EYS: variants seen among roughly 807,000 people sequenced by gnomAD.
EYS encodes EGF-like photoreceptor maintenance factor.
Under a neutral mutation model 282.1 loss-of-function variants are expected in EYS, and 250 were observed. The ratio of observed to expected loss-of-function variants is 0.89; its 90% confidence interval spans 0.80 to 0.98. EYS has a LOEUF of 0.98. Among genes scored for constraint, EYS ranks in the 50% least tolerant of loss-of-function variants. The pLI is 0.00. For missense variants in EYS, 4,016 were observed against 3,709.0 expected (o/e 1.08, Z -2.15); for synonymous variants, 1,355 against 1,282.9 (o/e 1.06, Z -1.20).
chr6:63,774,432 G>A (rs760240959), intron 40 of EYS, among the ~76,000 whole-genome samples: 1 of 152,070 alleles, frequency 6.6e-6, no homozygotes, highest in Non-Finnish European at 1.5e-5. Context: ...GCCTCCCAAA[G>A]TGCTGGGATT....
chr6:65,179,891 G>T (rs1765329266), intron 12 of EYS, among the ~76,000 whole-genome samples: 1 of 152,016 alleles, frequency 6.6e-6, no homozygotes, highest in Admixed American at 6.6e-5. Flanking sequence ...GGGATGCAAG[G>T]CTGGTTCAAC....
chr6:65,183,813 T>C (rs953802275), intron 12 of EYS, among the ~76,000 whole-genome samples: 1 of 151,492 alleles, frequency 6.6e-6, no homozygotes, highest in African/African-American at 2.4e-5. Context: ...GGAAAAAAAG[T>C]GTAGTTGGTA....
rs999873040 is a variant in EYS at position 64,155,012 on chromosome 6, A to G, written c.6425-73010T>C. The stretch of plus-strand genomic sequence containing the variant: ...ATATTTCCATAGTAGGAAATGGGCT[A>G]AAGTTTGGTGTGCTTTCTAAAGGGC... On this transcript the variant is annotated intron_variant, in intron 31 of 42. Coordinates refer to ENST00000503581, the MANE Select transcript of EYS (RefSeq NM_001142800.2). Among the ~76,000 whole-genome samples the G allele has an allele frequency of 6.6e-5, 10 of 152,188 alleles. 1 individual carries two copies. The highest frequency in any genetic ancestry group is 2.2e-4 in the African/African-American group (9 of 41,448).
At chr6:64,889,267 C>T (rs2150064764) in intron 18 of EYS, among the ~76,000 whole-genome samples, 1 of 152,034 alleles carries the variant, frequency 6.6e-6, no homozygotes, top group African/African-American at 2.4e-5. Flanking sequence ...CTTAAATATA[C>T]TTACTTACTT....
intron 13 of EYS, among the ~76,000 whole-genome samples, chr6:65,047,345 C>T (rs368848730): frequency 1.4e-3 from 218 of 151,838 alleles, no homozygotes; most frequent in African/African-American, 4.6e-3. Context: ...TACCAAAGAA[C>T]GACAGATTCA....
intron 26 of EYS, among the ~76,000 whole-genome samples, chr6:64,504,504 G>A (rs545807592): frequency 4.6e-5 from 7 of 152,236 alleles, no homozygotes; most frequent in African/African-American, 1.7e-4. Context: ...CTACCATGGG[G>A]GCCAGAGTCT....
intron 26 of EYS, among the ~76,000 whole-genome samples, chr6:64,500,662 A>T (rs1286474594): frequency 6.6e-6 from 1 of 152,138 alleles, no homozygotes; most frequent in East Asian, 1.9e-4. Context: ...TGTTTCACCA[A>T]GTAAGTCCTC....
At chr6:65,145,125 TTA>T (rs200306708) in intron 12 of EYS, among the ~76,000 whole-genome samples, 6 of 148,154 alleles carry the variant, frequency 4.0e-5, no homozygotes, top group Non-Finnish European at 6.0e-5. Flanking sequence ...CTACCTCCTT[TTA>T]TTTTTTATTA....
At position 65,443,254 on chromosome 6, in the gene EYS, A is replaced by G. The variant is rs970341946; in HGVS notation, c.863-37887T>C. Reference sequence around the variant, plus strand: ...TGTGAACATATAGACATATGTGTATACATATATGCAAACATATAGACATGT... The same window carrying G: ...TGTGAACATATAGACATATGTGTATGCATATATGCAAACATATAGACATGT... On this transcript the variant is annotated intron_variant, in intron 5 of 42. Transcript: ENST00000503581. Among the ~76,000 whole-genome samples the G allele has an allele frequency of 5.3e-5, 8 of 151,774 alleles. 1 individual carries two copies. Among genetic ancestry groups the G allele is most frequent in the African/African-American group, 1.2e-4 (5 of 41,394 alleles).
At chr6:64,441,632 C>T (rs1007052840) in intron 26 of EYS, among the ~76,000 whole-genome samples, 4 of 152,146 alleles carry the variant, frequency 2.6e-5, no homozygotes, top group African/African-American at 9.7e-5. Flanking sequence ...TCCCACAATT[C>T]CCATGTGTTG....
chr6:64,590,646 C>A lies in EYS; in HGVS notation c.5221G>T (p.Asp1741Tyr). 1 of 1,551,290 alleles carries A rather than the reference C, an allele frequency of 6.4e-7. No individual in the cohort carries two copies. The highest frequency in any genetic ancestry group is 8.7e-7 in the Non-Finnish European group (1 of 1,146,732). The stretch of plus-strand genomic sequence containing the variant: ...TTTAACTCAAAATCCAGAGAACTAT[C>A]ACTTGGGTGAAGTTTGAACAGTGTA... ...SHTLFKLHPS[D>Y]SSLDFELNLQ... Residue 1741 changes from aspartate (D) to tyrosine (Y), a missense_variant, in exon 26 of 43, where the codon GAT becomes TAT. Coordinates refer to ENST00000503581, the MANE Select transcript of EYS (RefSeq NM_001142800.2).
At chr6:65,040,111 A>G (rs1460336140) in intron 13 of EYS, among the ~76,000 whole-genome samples, 1 of 151,654 alleles carries the variant, frequency 6.6e-6, no homozygotes, top group African/African-American at 2.4e-5. Context: ...GTTGTATGAG[A>G]CTTCGTTACT....
intron 19 of EYS, among the ~76,000 whole-genome samples, chr6:64,840,103 C>A (rs1403981741): frequency 6.6e-6 from 1 of 151,960 alleles, no homozygotes; most frequent in Non-Finnish European, 1.5e-5. Flanking sequence ...GTCAAATAAA[C>A]CTGATTAAGA....
chr6:64,533,438 C>T (rs1012040680), intron 26 of EYS, among the ~76,000 whole-genome samples: 1 of 151,732 alleles, frequency 6.6e-6, no homozygotes, highest in African/African-American at 2.4e-5. Context: ...GCAAAGAAAA[C>T]CAGAAAAAAT....
At chr6:65,301,853 T>C (rs1379863502) in intron 11 of EYS, among the ~76,000 whole-genome samples, 4 of 152,248 alleles carry the variant, frequency 2.6e-5, no homozygotes, top group East Asian at 1.9e-4. Context: ...CTCAAGGTTC[T>C]GGACCTTGAG....
At chr6:63,988,376 G>A (rs907931201) in intron 34 of EYS, among the ~76,000 whole-genome samples, 1 of 151,516 alleles carries the variant, frequency 6.6e-6, no homozygotes, top group Non-Finnish European at 1.5e-5. Context: ...CAGTAGGAAG[G>A]TATGAAGGAA....
Position 65,405,103 on chromosome 6 carries a change from T to G in EYS, c.1056+71A>C. ...CTTAATAAGGATTCTAATTATTTAT[T>G]CTTTTCAAATTGCTTGGTAATAGTA... On this transcript the variant is annotated intron_variant, in intron 6 of 42. Coordinates refer to ENST00000503581, the MANE Select transcript of EYS (RefSeq NM_001142800.2). 5 of 1,025,272 alleles carry G rather than the reference T, an allele frequency of 4.9e-6. No homozygotes were observed. The South Asian group carries it at 6.7e-5, about 14-fold the overall frequency. 63.5% of individuals were successfully genotyped at this position (1,025,272 alleles called of 1,614,324 possible).
intron 8 of EYS, among the ~76,000 whole-genome samples, chr6:65,383,924 C>T (rs143559910): frequency 6.6e-6 from 1 of 151,936 alleles, no homozygotes; most frequent in African/African-American, 2.4e-5. Context: ...CTCTAATAGA[C>T]ATACCTACAA....
At chr6:64,425,287 A>T (rs1403708791) in intron 28 of EYS, among the ~76,000 whole-genome samples, 1 of 152,116 alleles carries the variant, frequency 6.6e-6, no homozygotes, top group East Asian at 1.9e-4. Context: ...ATGTTTTTTT[A>T]AAAAACACCC....
Sources: allele counts gnomAD v4.1 joint callset (sites outside exome capture counted in the v4.1 genomes callset), GRCh38; gene constraint gnomAD v4.1.1; transcripts MANE v1.5; gene names NCBI Gene and HGNC (gene_info 2026-07-23, HGNC 2026-07-21).